Variants in NRG1 observed in about 807,000 individuals in gnomAD.
NRG1 encodes the protein neuregulin 1.
A neutral mutation model predicts 63.8 loss-of-function variants in NRG1; 18 were observed. The ratio of observed to expected loss-of-function variants is 0.28; its 90% CI spans 0.19 to 0.42. The LOEUF is 0.42. Among genes scored for constraint, NRG1 ranks in the 10% least tolerant of loss-of-function variants. NRG1 has a pLI of 1.00. For synonymous variants in NRG1, 302 were observed against 301.3 expected, an observed-to-expected ratio of 1.00 and a Z score of -0.02; for missense variants, 762 against 814.7, an observed-to-expected ratio of 0.94 and a Z score of 0.79.
intron 1 of NRG1, among the ~76,000 whole-genome samples, chr8:32,100,318 C>G (rs766280775): frequency 7.2e-5 from 11 of 152,192 alleles, no homozygotes; most frequent in Non-Finnish European, 1.6e-4. Context: ...TTGCACTTTA[C>G]AATACATAAA....
chr8:31,988,935 C>T (rs924938775), intron 1 of NRG1, among the ~76,000 whole-genome samples: 5 of 151,936 alleles, frequency 3.3e-5, no homozygotes, highest in African/African-American at 1.2e-4. Context: ...TTGACGATGA[C>T]TTTCTGTTGC....
At chr8:32,350,884 C>T (rs889623583) in intron 1 of NRG1, among the ~76,000 whole-genome samples, 8 of 152,098 alleles carry the variant, frequency 5.3e-5, no homozygotes, top group Admixed American at 1.3e-4. Context: ...CAGATCAGCG[C>T]GGTGTCCACG....
intron 1 of NRG1, among the ~76,000 whole-genome samples, chr8:31,974,745 A>G (rs1025869385): frequency 6.6e-6 from 1 of 152,198 alleles, no homozygotes; most frequent in African/African-American, 2.4e-5. Context: ...CTGACAAAAT[A>G]GCGAAGAATG....
At chr8:31,772,996 A>G (rs1021957981) in intron 1 of NRG1, among the ~76,000 whole-genome samples, 8 of 152,360 alleles carry the variant, frequency 5.3e-5, no homozygotes, top group East Asian at 3.9e-4. Context: ...CAGCAGACTT[A>G]CTGTATGATA....
chr8:32,530,329 G>A (rs377320627), intron 1 of NRG1, among the ~76,000 whole-genome samples: 30 of 151,992 alleles, frequency 2.0e-4, no homozygotes, highest in South Asian at 6.2e-4. Flanking sequence ...GGATGGTCTC[G>A]ATCTCCTGAC....
Position 32,175,867 on chromosome 8 carries a change from T to C in NRG1, c.38-419961T>C, listed in dbSNP as rs183552587. Among the ~76,000 whole-genome samples, 727 of 152,338 alleles carry C rather than the reference T, an allele frequency of 4.8e-3. 6 individuals are homozygous for C. Among genetic ancestry groups the C allele is most frequent in the Non-Finnish European group, 7.7e-3 (524 of 68,040 alleles). On this transcript the variant is annotated intron_variant, in intron 1 of 10. Coordinates refer to the NRG1 transcript ENST00000519301. ...CAAATGGAAGAACATTCCATGCTTA[T>C]GGGTAGAAAGAATCAATATTATGAA...
chr8:32,188,363 A>G (rs1035381553), intron 1 of NRG1, among the ~76,000 whole-genome samples: 3 of 152,172 alleles, frequency 2.0e-5, no homozygotes, highest in Admixed American at 2.0e-4. Context: ...CACTACGCCC[A>G]GCTGGATTAT....
At chr8:32,105,275 G>A (rs1246478319) in intron 1 of NRG1, among the ~76,000 whole-genome samples, 1 of 152,154 alleles carries the variant, frequency 6.6e-6, no homozygotes. Context: ...TGCTGATAAA[G>A]ATATACCTGA....
intron 1 of NRG1, among the ~76,000 whole-genome samples, chr8:31,892,417 A>G (rs1246307304): frequency 2.0e-5 from 3 of 152,058 alleles, no homozygotes; most frequent in African/African-American, 7.2e-5. Context: ...TCTTTTACCA[A>G]TTTAGGATAA....
chr8:32,146,123 T>G (rs190162323), intron 1 of NRG1, among the ~76,000 whole-genome samples: 1 of 152,298 alleles, frequency 6.6e-6, no homozygotes, highest in East Asian at 1.9e-4. Flanking sequence ...TGGAGCAAAG[T>G]GTAGAGACAG....
intron 1 of NRG1, among the ~76,000 whole-genome samples, chr8:32,264,930 A>C (rs921663303): frequency 1.1e-4 from 16 of 152,218 alleles, no homozygotes; most frequent in African/African-American, 3.6e-4. Context: ...ACGGAAATAC[A>C]GGATGAAAGA....
intron 1 of NRG1, among the ~76,000 whole-genome samples, chr8:31,820,015 C>A (rs927559703): frequency 5.3e-5 from 8 of 152,074 alleles, no homozygotes; most frequent in Admixed American, 5.2e-4. Context: ...TGCAAGATAT[C>A]GGGAGAAAAG....
At chr8:32,010,930 T>G (rs1176434753) in intron 1 of NRG1, among the ~76,000 whole-genome samples, 1 of 152,100 alleles carries the variant, frequency 6.6e-6, no homozygotes, top group African/African-American at 2.4e-5. Context: ...AAGCTGAATA[T>G]TCAGCCTTGT....
chr8:32,333,296 G>T (rs1802869008), intron 1 of NRG1, among the ~76,000 whole-genome samples: 1 of 152,080 alleles, frequency 6.6e-6, no homozygotes, highest in Non-Finnish European at 1.5e-5. Flanking sequence ...CATGTCACCT[G>T]GCAAAGCCCT....
At chr8:32,187,404 T>C (rs1357693201) in intron 1 of NRG1, among the ~76,000 whole-genome samples, 1 of 152,142 alleles carries the variant, frequency 6.6e-6, no homozygotes, top group Admixed American at 6.6e-5. Flanking sequence ...TCCTGAATTA[T>C]TTATCTAAAT....
chr8:32,155,937 T>C (rs1425677562), intron 1 of NRG1, among the ~76,000 whole-genome samples: 2 of 152,204 alleles, frequency 1.3e-5, no homozygotes, highest in Non-Finnish European at 2.9e-5. Flanking sequence ...TAATCTAAGC[T>C]ACCATCACCC....
chr8:31,654,198 A>G (rs1805189842), intron 1 of NRG1, among the ~76,000 whole-genome samples: 1 of 152,206 alleles, frequency 6.6e-6, no homozygotes, highest in Non-Finnish European at 1.5e-5. Context: ...GAAAATGATT[A>G]AAGTGCCAAT....
At chr8:32,419,018 C>A (rs192508950) in intron 1 of NRG1, among the ~76,000 whole-genome samples, 52 of 152,164 alleles carry the variant, frequency 3.4e-4, no homozygotes, top group Non-Finnish European at 6.0e-4. Flanking sequence ...TGGAAATCAT[C>A]ATGGAAAATA....
intron 1 of NRG1, among the ~76,000 whole-genome samples, chr8:32,214,760 C>T (rs1845044050): frequency 6.6e-6 from 1 of 152,044 alleles, no homozygotes; most frequent in Admixed American, 6.5e-5. Context: ...CAAAACAAAC[C>T]TGCTGGGTGC....
Sources: gnomAD v4.1 joint callset for allele counts (sites outside exome capture counted in the v4.1 genomes callset) on GRCh38, gnomAD v4.1.1 for gene constraint, MANE v1.5 for transcripts, NCBI Gene and HGNC (gene_info 2026-07-23, HGNC 2026-07-21) for gene names.